DOCK5: variants seen among roughly 807,000 people sequenced by gnomAD.
DOCK5 encodes the protein dedicator of cytokinesis 5.
DOCK5 carries 142 observed loss-of-function variants against 251.8 expected under a neutral mutation model. The observed-to-expected ratio is 0.56, with a 90% CI of 0.49 to 0.65. DOCK5 has a LOEUF of 0.65. DOCK5 is among the 30% of genes least tolerant of loss of function. DOCK5 has a pLI of 0.00. For missense variants in DOCK5, 2,111 were observed against 2,312.3 expected, an observed-to-expected ratio of 0.91 and a Z score of 1.79; for synonymous variants, 842 against 835.5, an observed-to-expected ratio of 1.01 and a Z score of -0.13.
intron 1 of DOCK5, among the ~76,000 whole-genome samples, chr8:25,189,708 A>T (rs1166645697): frequency 6.6e-6 from 1 of 152,068 alleles, no homozygotes; most frequent in Admixed American, 6.6e-5. Context: ...ATTTGTGATC[A>T]CATATATTTT....
chr8:25,285,423 G>C (rs181200166), intron 5 of DOCK5, among the ~76,000 whole-genome samples: 43 of 152,288 alleles, frequency 2.8e-4, no homozygotes, highest in African/African-American at 1.0e-3. Flanking sequence ...TGGGATACAG[G>C]TGTGAGCCAC....
intron 26 of DOCK5, among the ~76,000 whole-genome samples, chr8:25,348,946 C>T (rs77269015): frequency 0.019 from 2,862 of 152,186 alleles, 93 homozygotes; most frequent in African/African-American, 0.065. Flanking sequence ...CAAGGCACAG[C>T]GTGTAACTTG....
intron 47 of DOCK5, among the ~76,000 whole-genome samples, chr8:25,402,023 C>A (rs1801447580): frequency 6.6e-6 from 1 of 152,158 alleles, no homozygotes. Flanking sequence ...ATGTACTAAC[C>A]TTTTCTCTCC....
intron 1 of DOCK5, among the ~76,000 whole-genome samples, chr8:25,191,057 GA>G (rs999576423): frequency 1.2e-4 from 19 of 152,238 alleles, no homozygotes; most frequent in African/African-American, 4.6e-4. Flanking sequence ...AGAACAAAAG[GA>G]AGAGAGAATT....
intron 2 of DOCK5, among the ~76,000 whole-genome samples, chr8:25,259,241 A>G (rs963180397): frequency 1.3e-5 from 2 of 152,156 alleles, no homozygotes; most frequent in Admixed American, 6.5e-5. Context: ...TCCATGGCCA[A>G]GCTCACCTGA....
chr8:25,317,315 A>G (rs1805279132), intron 14 of DOCK5, 184 bp downstream of exon 14: 2 of 636,890 alleles, frequency 3.1e-6, no homozygotes, highest in Non-Finnish European at 5.0e-6. Flanking sequence ...AGCTATCTAG[A>G]CTCTTCTAGA....
chr8:25,378,345 A>C (rs1397872722), intron 38 of DOCK5, among the ~76,000 whole-genome samples: 1 of 152,238 alleles, frequency 6.6e-6, no homozygotes, highest in Non-Finnish European at 1.5e-5. Flanking sequence ...GACCAAGACC[A>C]GATACATGAT....
intron 3 of DOCK5, chr8:25,270,818 C>T (rs758638649): frequency 5.8e-5 from 41 of 712,808 alleles, no homozygotes; most frequent in South Asian, 3.6e-4. Flanking sequence ...CCCACAATAC[C>T]GAAATCCATG....
In DOCK5 at chr8:25,294,240, C is replaced by T. The variant is rs1025390200; in HGVS notation, c.470+2068C>T. ...GTCAGTGCCTTCCTGATCCAGTCTC[C>T]GAGCAGCCAGCATGGCCATTGTTCA... On this transcript the variant is annotated intron_variant, in intron 6 of 51. Coordinates refer to ENST00000276440, the MANE Select transcript of DOCK5 (RefSeq NM_024940.8). Among the ~76,000 whole-genome samples the T allele has an allele frequency of 3.3e-5, 5 of 152,116 alleles. No individual in the cohort carries two copies. In the East Asian group the frequency reaches 5.8e-4, roughly 18 times the overall value.
chr8:25,279,312 C>A (rs954806701), intron 5 of DOCK5, among the ~76,000 whole-genome samples: 2 of 152,150 alleles, frequency 1.3e-5, no homozygotes, highest in African/African-American at 4.8e-5. Flanking sequence ...CCGTAATAAA[C>A]AATAAGCTCA....
chr8:25,233,262 C>G (rs75958843), intron 1 of DOCK5, among the ~76,000 whole-genome samples: 3,147 of 152,312 alleles, frequency 0.021, 48 homozygotes, highest in Middle Eastern at 0.071. Context: ...GTCTGAAAAC[C>G]AACGTGTCAT....
In DOCK5 at chr8:25,342,492, CT is replaced by C; in HGVS notation, c.2607del (p.Arg870AspfsTer13). On this transcript the variant is annotated frameshift_variant, in exon 25 of 52. Transcript: ENST00000276440. LOFTEE classifies it high-confidence loss of function. Reference protein sequence around the residue: ...NCMTKIVESTLFRQSECREVL... With the variant: ...NCMTKIVESTXFRQSECREVL... ...CATGACCAAGATAGTAGAGAGCACT[CT>C]TTTTCGACAGTCAGGTAAGTCTCCT... is the stretch of plus-strand genomic sequence containing the variant. 1.3e-6 allele frequency: 2 copies of C among 1,587,930 alleles called. No homozygotes were observed. Among genetic ancestry groups the C allele is most frequent in the Non-Finnish European group, 1.7e-6 (2 of 1,165,082 alleles).
rs138758745 is a variant in DOCK5 at position 25,261,746 on chromosome 8, G to A, written c.128-7099G>A. Reference sequence around the variant, plus strand: ...CATTTCCCTTACCCCAGAAAATTCCGCGGTATCTTTATCCACACAGTTCCC... The same window carrying A: ...CATTTCCCTTACCCCAGAAAATTCCACGGTATCTTTATCCACACAGTTCCC... On this transcript the variant is annotated intron_variant, in intron 2 of 51. Transcript: ENST00000276440. Among the ~76,000 whole-genome samples the A allele has an allele frequency of 1.6e-3, 243 of 152,152 alleles. 3 individuals carry two copies. The East Asian group carries it at 0.034, about 21-fold the overall frequency.
chr8:25,302,583 C>A (rs1208648818), intron 10 of DOCK5, 129 bp downstream of exon 10: 6 of 1,271,302 alleles, frequency 4.7e-6, no homozygotes, highest in Non-Finnish European at 1.1e-6. Flanking sequence ...CAATCAAAAG[C>A]AAGGTCTGGA....
chr8:25,309,065 A>C, intron 12 of DOCK5, 140 bp downstream of exon 12: 1 of 1,132,474 alleles, frequency 8.8e-7, no homozygotes, highest in Non-Finnish European at 1.2e-6. Context: ...TCAGCTTCCA[A>C]CCACAGGCTT....
intron 34 of DOCK5, among the ~76,000 whole-genome samples, chr8:25,370,084 G>C (rs1800847313): frequency 1.3e-5 from 2 of 152,212 alleles, no homozygotes; most frequent in South Asian, 4.1e-4. Context: ...AGCCAGGTTG[G>C]TCTTTTTCCT....
At chr8:25,238,669 A>G (rs185688843) in intron 1 of DOCK5, among the ~76,000 whole-genome samples, 1 of 152,354 alleles carries the variant, frequency 6.6e-6, no homozygotes, top group Non-Finnish European at 1.5e-5. Context: ...TGATTTTAGT[A>G]ACCCTTTCTT....
At chr8:25,404,762 A>C (rs1801495089) in intron 48 of DOCK5, among the ~76,000 whole-genome samples, 1 of 152,124 alleles carries the variant, frequency 6.6e-6, no homozygotes, top group Admixed American at 6.6e-5. Context: ...TGCTCTGTCA[A>C]AGATGTATAT....
chr8:25,387,792 G>A (rs1296705941), intron 40 of DOCK5, among the ~76,000 whole-genome samples: 2 of 151,990 alleles, frequency 1.3e-5, no homozygotes, highest in East Asian at 1.9e-4. Flanking sequence ...TTCTCTTTAC[G>A]CTTCCTTATC....
Sources: allele counts gnomAD v4.1 joint callset (sites outside exome capture counted in the v4.1 genomes callset), GRCh38; gene constraint gnomAD v4.1.1; transcripts MANE v1.5; gene names NCBI Gene and HGNC (gene_info 2026-07-23, HGNC 2026-07-21).